FRMD4A: variants seen among roughly 807,000 people sequenced by gnomAD.
The protein encoded by FRMD4A is FERM domain-containing protein 4A.
In FRMD4A, 29 loss-of-function variants were observed where a neutral mutation model predicts 129.1. The ratio of observed to expected loss-of-function variants is 0.22; its 90% CI spans 0.17 to 0.31. The LOEUF (loss-of-function observed/expected upper bound fraction) is 0.31. FRMD4A is among the 10% of genes least tolerant of loss of function. The probability of loss-of-function intolerance (pLI) is 1.00; values close to 1 mark genes in which losing one functional copy is unlikely to be tolerated. For missense variants in FRMD4A, 1,272 were observed against 1,375.8 expected (o/e 0.92, Z 1.19); for synonymous variants, 634 against 571.6 (o/e 1.11, Z -1.56).
chr10:13,734,691 C>T (rs887127821), intron 12 of FRMD4A, among the ~76,000 whole-genome samples: 5 of 152,140 alleles, frequency 3.3e-5, no homozygotes, highest in South Asian at 4.1e-4. Flanking sequence ...GAATCATCCC[C>T]GACCCTCACA....
intron 8 of FRMD4A, among the ~76,000 whole-genome samples, chr10:13,759,564 A>G (rs1489487543): frequency 6.6e-6 from 1 of 152,214 alleles, no homozygotes; most frequent in Non-Finnish European, 1.5e-5. Flanking sequence ...ACTGGAATCC[A>G]TTGGATTTGT....
intron 2 of FRMD4A, among the ~76,000 whole-genome samples, chr10:14,284,513 C>T (rs934909126): frequency 3.0e-4 from 46 of 152,104 alleles, no homozygotes; most frequent in African/African-American, 1.1e-3. Flanking sequence ...ATTAGCTGGG[C>T]GTGGTGGCAC....
chr10:13,840,255 G>C (rs2093941526), intron 3 of FRMD4A, among the ~76,000 whole-genome samples: 1 of 152,092 alleles, frequency 6.6e-6, no homozygotes, highest in Non-Finnish European at 1.5e-5. Flanking sequence ...GGGTCCTTCT[G>C]GGAAGGGGAA....
chr10:13,993,260 C>G (rs1050091191), intron 2 of FRMD4A, among the ~76,000 whole-genome samples: 1 of 152,152 alleles, frequency 6.6e-6, no homozygotes, highest in Non-Finnish European at 1.5e-5. Context: ...TATTTGACAT[C>G]GTGGTGAGAT....
chr10:14,132,536 C>T (rs1839314947), intron 2 of FRMD4A, among the ~76,000 whole-genome samples: 1 of 152,084 alleles, frequency 6.6e-6, no homozygotes, highest in South Asian at 2.1e-4. Context: ...TCTTTGTTCC[C>T]CACGTGTACC....
intron 9 of FRMD4A, among the ~76,000 whole-genome samples, chr10:13,745,893 G>A (rs568900999): frequency 3.3e-5 from 5 of 152,306 alleles, no homozygotes; most frequent in African/African-American, 9.6e-5. Context: ...AATTAGGGAG[G>A]TGGGTAATAG....
intron 2 of FRMD4A, among the ~76,000 whole-genome samples, chr10:14,065,401 T>G (rs1332583454): frequency 2.0e-5 from 3 of 152,088 alleles, no homozygotes; most frequent in Non-Finnish European, 4.4e-5. Flanking sequence ...GCCAGGCTGG[T>G]TTCAAACTCC....
At chr10:14,062,135 G>A (rs1250788488) in intron 2 of FRMD4A, among the ~76,000 whole-genome samples, 3 of 152,140 alleles carry the variant, frequency 2.0e-5, no homozygotes, top group African/African-American at 7.2e-5. Context: ...AAACTACAAA[G>A]CCATGTAAAT....
At chr10:14,086,876 C>CT (rs1383590959) in intron 2 of FRMD4A, among the ~76,000 whole-genome samples, 1 of 152,204 alleles carries the variant, frequency 6.6e-6, no homozygotes, top group East Asian at 1.9e-4. Flanking sequence ...AACGATTTTG[C>CT]TGCTCTGGAG....
chr10:13,714,926 C>T (rs1329619319), intron 12 of FRMD4A, among the ~76,000 whole-genome samples: 2 of 152,082 alleles, frequency 1.3e-5, no homozygotes, highest in East Asian at 3.9e-4. Context: ...GTAGTCCCAG[C>T]TATTCGGGAG....
At chr10:14,220,567 A>C (rs1040830656) in intron 2 of FRMD4A, among the ~76,000 whole-genome samples, 1 of 152,188 alleles carries the variant, frequency 6.6e-6, no homozygotes, top group Admixed American at 6.5e-5. Flanking sequence ...TCACATTGCC[A>C]TACTGTCTGA....
intron 2 of FRMD4A, among the ~76,000 whole-genome samples, chr10:13,868,417 CAG>C (rs1268046648): frequency 2.0e-5 from 3 of 152,092 alleles, no homozygotes; most frequent in Non-Finnish European, 4.4e-5. Flanking sequence ...AAGCCTCATT[CAG>C]AGAGGATGAC....
At chr10:14,079,660 C>T (rs996237493) in intron 2 of FRMD4A, among the ~76,000 whole-genome samples, 3 of 152,160 alleles carry the variant, frequency 2.0e-5, no homozygotes, top group Non-Finnish European at 4.4e-5. Flanking sequence ...TCCCTTGGTA[C>T]GTCAAACACC....
At chr10:14,266,263 A>G (rs11818549) in intron 2 of FRMD4A, among the ~76,000 whole-genome samples, 40,327 of 151,946 alleles carry the variant, frequency 0.27, 5,464 homozygotes, top group Middle Eastern at 0.35. Context: ...GTGACAACCA[A>G]AAATCTCTCC....
chr10:14,039,173 A>C (rs1461537325), intron 2 of FRMD4A, among the ~76,000 whole-genome samples: 2 of 152,152 alleles, frequency 1.3e-5, no homozygotes, highest in African/African-American at 4.8e-5. Flanking sequence ...GCTTAGACTC[A>C]TGAATTGTTA....
intron 2 of FRMD4A, among the ~76,000 whole-genome samples, chr10:14,234,688 C>T (rs1199740663): frequency 2.6e-5 from 4 of 152,098 alleles, no homozygotes; most frequent in Non-Finnish European, 2.9e-5. Context: ...ACCTGATAAC[C>T]ACAGCGTAAG....
chr10:13,787,203 C>G (rs1374718496), intron 5 of FRMD4A, among the ~76,000 whole-genome samples: 1 of 152,190 alleles, frequency 6.6e-6, no homozygotes, highest in East Asian at 1.9e-4. Context: ...CTTTTATCAC[C>G]AAGACGACAG....
chr10:14,070,636 G>T (rs946553677), intron 2 of FRMD4A, among the ~76,000 whole-genome samples: 1 of 152,144 alleles, frequency 6.6e-6, no homozygotes, highest in Non-Finnish European at 1.5e-5. Flanking sequence ...AGCTTCTTTG[G>T]TCTGTTATCT....
At chr10:13,672,303 A>G (rs556543318) in intron 16 of FRMD4A, among the ~76,000 whole-genome samples, 2 of 152,220 alleles carry the variant, frequency 1.3e-5, no homozygotes, top group Admixed American at 1.3e-4. Flanking sequence ...TCTTTAAAAA[A>G]AAAATGTGGT....
Sources: allele counts gnomAD v4.1 joint callset (sites outside exome capture counted in the v4.1 genomes callset), GRCh38; gene constraint gnomAD v4.1.1; transcripts MANE v1.5; gene names NCBI Gene and HGNC (gene_info 2026-07-23, HGNC 2026-07-21).